NEGR1: variants seen among roughly 807,000 people sequenced by gnomAD.
NEGR1 encodes IgLON family member 4.
In NEGR1, 10 loss-of-function variants were observed where a neutral mutation model predicts 40.9. That is an observed-to-expected ratio of 0.24 (90% CI 0.15 to 0.42). The LOEUF is 0.42. NEGR1 is among the 10% of genes least tolerant of loss of function. The pLI is 1.00. For synonymous variants in NEGR1, 185 were observed against 166.8 expected, an observed-to-expected ratio of 1.11 and a Z score of -0.84; for missense variants, 352 against 438.9, an observed-to-expected ratio of 0.80 and a Z score of 1.77.
chr1:71,997,236 A>C (rs1646512836), intron 1 of NEGR1, among the ~76,000 whole-genome samples: 1 of 152,026 alleles, frequency 6.6e-6, no homozygotes, highest in South Asian at 2.1e-4. Flanking sequence ...CTATAAGTCA[A>C]TTCTTAAGAT....
intron 1 of NEGR1, among the ~76,000 whole-genome samples, chr1:72,093,762 T>C (rs371025077): frequency 2.0e-5 from 3 of 152,210 alleles, no homozygotes; most frequent in East Asian, 3.9e-4. Context: ...TTTATAGATC[T>C]TGTCAGTAAA....
chr1:72,038,818 G>A (rs1425903911), intron 1 of NEGR1, among the ~76,000 whole-genome samples: 1 of 151,994 alleles, frequency 6.6e-6, no homozygotes, highest in Non-Finnish European at 1.5e-5. Context: ...ACAAGGTACT[G>A]AGTATAAGAC....
chr1:72,273,799 ATTAT>A (rs1655939464), intron 1 of NEGR1, among the ~76,000 whole-genome samples: 1 of 151,800 alleles, frequency 6.6e-6, no homozygotes, highest in East Asian at 1.9e-4. Context: ...GACTGCAGGA[ATTAT>A]TTAAGGCAGG....
chr1:71,457,577 A>G (rs1321432110), intron 6 of NEGR1, among the ~76,000 whole-genome samples: 2 of 152,188 alleles, frequency 1.3e-5, no homozygotes, highest in African/African-American at 4.8e-5. Context: ...CAAGTTTTTT[A>G]TTGCGAATTC....
At chr1:71,869,176 C>A (rs747705212) in intron 2 of NEGR1, among the ~76,000 whole-genome samples, 25 of 152,038 alleles carry the variant, frequency 1.6e-4, no homozygotes, top group Admixed American at 1.1e-3. Context: ...TGGATTAAAT[C>A]TGTTGTTAGG....
chr1:71,711,992 A>C (rs1194099864), intron 3 of NEGR1, among the ~76,000 whole-genome samples: 1 of 152,204 alleles, frequency 6.6e-6, no homozygotes, highest in African/African-American at 2.4e-5. Context: ...GGTGAAGAAT[A>C]GATCAGTTGT....
chr1:71,644,962 T>C (rs1651483087), intron 4 of NEGR1, among the ~76,000 whole-genome samples: 1 of 151,924 alleles, frequency 6.6e-6, no homozygotes, highest in Non-Finnish European at 1.5e-5. Flanking sequence ...TTTCTCTCTT[T>C]AGTTATTTTT....
intron 1 of NEGR1, among the ~76,000 whole-genome samples, chr1:71,996,045 G>A (rs1414491866): frequency 6.6e-6 from 1 of 151,966 alleles, no homozygotes; most frequent in East Asian, 1.9e-4. Context: ...TTAACTTGTT[G>A]AAAAAATAGT....
chr1:71,598,924 C>T (rs1649828678), intron 5 of NEGR1, among the ~76,000 whole-genome samples: 1 of 152,122 alleles, frequency 6.6e-6, no homozygotes, highest in African/African-American at 2.4e-5. Flanking sequence ...CCATCTTCCT[C>T]ATTAGAGTAT....
chr1:71,704,099 G>A (rs1438739509), intron 3 of NEGR1, among the ~76,000 whole-genome samples: 1 of 149,352 alleles, frequency 6.7e-6, no homozygotes, highest in African/African-American at 2.4e-5. Flanking sequence ...AAGAACTATT[G>A]CAGACTTCTT....
At chr1:71,546,342 T>A (rs1647895049) in intron 6 of NEGR1, among the ~76,000 whole-genome samples, 1 of 151,716 alleles carries the variant, frequency 6.6e-6, no homozygotes. Context: ...ATACCCATGA[T>A]GTGCCAAGTA....
intron 3 of NEGR1, among the ~76,000 whole-genome samples, chr1:71,767,745 C>G (rs1656181523): frequency 6.6e-6 from 1 of 152,232 alleles, no homozygotes; most frequent in Admixed American, 6.5e-5. Flanking sequence ...GGAAGCTCCT[C>G]CCATCACAGA....
chr1:71,873,130 A>C (rs1660327200), intron 2 of NEGR1, among the ~76,000 whole-genome samples: 1 of 151,246 alleles, frequency 6.6e-6, no homozygotes, highest in Non-Finnish European at 1.5e-5. Context: ...AAAAAAAAAA[A>C]AAAAAAAAAG....
chr1:71,734,483 C>T (rs1654985334), intron 3 of NEGR1, among the ~76,000 whole-genome samples: 1 of 152,120 alleles, frequency 6.6e-6, no homozygotes, highest in Admixed American at 6.6e-5. Context: ...GTAATTGTTA[C>T]AATTATTTTG....
At chr1:72,114,141 G>A (rs1313470604) in intron 1 of NEGR1, among the ~76,000 whole-genome samples, 1 of 151,652 alleles carries the variant, frequency 6.6e-6, no homozygotes, top group African/African-American at 2.4e-5. Flanking sequence ...TTGGTCAAAC[G>A]TGATATTGGA....
At chr1:71,867,848 G>A (rs1462668230) in intron 2 of NEGR1, among the ~76,000 whole-genome samples, 1 of 152,070 alleles carries the variant, frequency 6.6e-6, no homozygotes, top group Non-Finnish European at 1.5e-5. Context: ...TAAAGATTAT[G>A]TTCCCTTTTC....
intron 4 of NEGR1, among the ~76,000 whole-genome samples, chr1:71,612,602 T>G (rs1650297971): frequency 6.6e-6 from 1 of 152,034 alleles, no homozygotes; most frequent in Non-Finnish European, 1.5e-5. Flanking sequence ...TGATAAACAA[T>G]ACAGTAAAAC....
intron 6 of NEGR1, among the ~76,000 whole-genome samples, chr1:71,435,576 T>G: frequency 6.6e-6 from 1 of 151,988 alleles, no homozygotes; most frequent in African/African-American, 2.4e-5. Context: ...GAAAGAGAAT[T>G]GAGCAGCAAG....
intron 2 of NEGR1, among the ~76,000 whole-genome samples, chr1:71,852,639 A>G (rs1233042792): frequency 6.6e-6 from 1 of 152,030 alleles, no homozygotes; most frequent in Admixed American, 6.6e-5. Flanking sequence ...TTTAACAGAG[A>G]ACGGTTTGCA....
Sources: allele counts gnomAD v4.1 joint callset (sites outside exome capture counted in the v4.1 genomes callset), GRCh38; gene constraint gnomAD v4.1.1; transcripts MANE v1.5; gene names NCBI Gene and HGNC (gene_info 2026-07-23, HGNC 2026-07-21).